DGKB: variants seen among roughly 807,000 people sequenced by gnomAD.
DGKB encodes the protein 90 kDa diacylglycerol kinase.
Under a neutral mutation model 114.3 loss-of-function variants are expected in DGKB, and 67 were observed. The ratio of observed to expected loss-of-function variants is 0.59; its 90% CI spans 0.48 to 0.72. The LOEUF is 0.72. DGKB is among the 30% of genes least tolerant of loss of function. The probability of loss-of-function intolerance (pLI) is 0.00; values close to 1 mark genes in which losing one functional copy is unlikely to be tolerated. For missense variants in DGKB, 907 were observed against 975.2 expected (o/e 0.93, Z 0.93); for synonymous variants, 398 against 323.1 (o/e 1.23, Z -2.49).
chr7:14,972,139 A>AC (rs1787506775), intron 1 of DGKB, among the ~76,000 whole-genome samples: 1 of 152,160 alleles, frequency 6.6e-6, no homozygotes, highest in Non-Finnish European at 1.5e-5. Flanking sequence ...GAAAAAAATT[A>AC]GAGTCTGGAA....
At chr7:14,263,720 A>T (rs1358282572) in intron 23 of DGKB, among the ~76,000 whole-genome samples, 1 of 152,182 alleles carries the variant, frequency 6.6e-6, no homozygotes, top group African/African-American at 2.4e-5. Context: ...TAAAGGCAAG[A>T]TCTTCCTAAT....
At chr7:14,311,247 C>T (rs1805349178) in intron 23 of DGKB, among the ~76,000 whole-genome samples, 1 of 152,132 alleles carries the variant, frequency 6.6e-6, no homozygotes, top group African/African-American at 2.4e-5. Context: ...TTTTGGCTGG[C>T]ATTTGGCTCA....
chr7:14,490,073 T>C (rs1368252452), intron 20 of DGKB, among the ~76,000 whole-genome samples: 1 of 152,124 alleles, frequency 6.6e-6, no homozygotes, highest in Non-Finnish European at 1.5e-5. Flanking sequence ...GAGTGCAAAG[T>C]ACAATTATAT....
chr7:14,335,560 C>T (rs1196907466), intron 23 of DGKB, among the ~76,000 whole-genome samples: 1 of 152,068 alleles, frequency 6.6e-6, no homozygotes, highest in Non-Finnish European at 1.5e-5. Flanking sequence ...TTTTTCATTT[C>T]ATTTCATGTA....
intron 7 of DGKB, 82 bp downstream of exon 7, chr7:14,701,599 G>C: frequency 1.0e-6 from 1 of 984,112 alleles, no homozygotes; most frequent in Non-Finnish European, 1.6e-6. Context: ...GCCTTCTGTG[G>C]TAATAACTAC....
At chr7:14,179,170 C>A (rs1250085747) in intron 23 of DGKB, among the ~76,000 whole-genome samples, 4 of 152,140 alleles carry the variant, frequency 2.6e-5, no homozygotes, top group Non-Finnish European at 5.9e-5. Context: ...AGGTTCCTTT[C>A]CAATCTGAAT....
chr7:14,412,233 TA>T (rs1583738700), intron 21 of DGKB, among the ~76,000 whole-genome samples: 1 of 152,278 alleles, frequency 6.6e-6, no homozygotes, highest in East Asian at 1.9e-4. Flanking sequence ...CTTCTGGTGA[TA>T]AAAAGTAAGA....
At chr7:14,299,165 C>T (rs1001012313) in intron 23 of DGKB, among the ~76,000 whole-genome samples, 7 of 151,886 alleles carry the variant, frequency 4.6e-5, no homozygotes, top group African/African-American at 1.7e-4. Flanking sequence ...AACTCTATTC[C>T]AAATCTATCA....
At chr7:14,166,874 A>G (rs1329921953) in intron 25 of DGKB, among the ~76,000 whole-genome samples, 1 of 152,180 alleles carries the variant, frequency 6.6e-6, no homozygotes, top group Non-Finnish European at 1.5e-5. Context: ...CAAAAATAGG[A>G]AAGAAGGGCC....
intron 21 of DGKB, among the ~76,000 whole-genome samples, chr7:14,476,271 T>C (rs2128900625): frequency 6.6e-6 from 1 of 151,822 alleles, no homozygotes; most frequent in East Asian, 1.9e-4. Flanking sequence ...TCCAGGATAT[T>C]TGAGGTGTAT....
At chr7:14,651,725 G>C (rs1053955472) in intron 13 of DGKB, among the ~76,000 whole-genome samples, 2 of 149,254 alleles carry the variant, frequency 1.3e-5, no homozygotes, top group African/African-American at 2.5e-5. Context: ...GTTTGCAGAC[G>C]ACATGATTGT....
intron 1 of DGKB, among the ~76,000 whole-genome samples, chr7:14,852,035 A>G (rs1316667051): frequency 1.3e-5 from 2 of 152,280 alleles, no homozygotes; most frequent in African/African-American, 2.4e-5. Context: ...AAATCTATAA[A>G]CACAGTAAAA....
intron 2 of DGKB, among the ~76,000 whole-genome samples, chr7:14,810,833 T>G (rs965868614): frequency 6.6e-6 from 1 of 152,190 alleles, no homozygotes; most frequent in Admixed American, 6.5e-5. Flanking sequence ...GATTTCGAAC[T>G]CCTGGACTCA....
intron 20 of DGKB, among the ~76,000 whole-genome samples, chr7:14,515,852 T>C (rs1788704499): frequency 6.6e-6 from 1 of 152,206 alleles, no homozygotes; most frequent in Non-Finnish European, 1.5e-5. Context: ...TTAGATTTTA[T>C]TTATTTTTTG....
chr7:14,370,387 T>G (rs1303553668), intron 21 of DGKB, among the ~76,000 whole-genome samples: 2 of 152,164 alleles, frequency 1.3e-5, no homozygotes, highest in East Asian at 3.9e-4. Context: ...TATTTTTGCT[T>G]AGAATTGTCT....
At chr7:14,446,587 C>G (rs1380968008) in intron 21 of DGKB, among the ~76,000 whole-genome samples, 2 of 152,062 alleles carry the variant, frequency 1.3e-5, no homozygotes, top group Non-Finnish European at 2.9e-5. Flanking sequence ...GTAATGTACT[C>G]AACAAAATAC....
chr7:14,867,986 GAA>G (rs1562767167), intron 1 of DGKB, among the ~76,000 whole-genome samples: 1 of 152,130 alleles, frequency 6.6e-6, no homozygotes, highest in African/African-American at 2.4e-5. Context: ...CAAATTGCAC[GAA>G]AAGAGATACG....
At chr7:14,772,382 G>A (rs111473634) in intron 2 of DGKB, among the ~76,000 whole-genome samples, 19 of 152,224 alleles carry the variant, frequency 1.2e-4, no homozygotes, top group Non-Finnish European at 2.4e-4. Context: ...ACAGTTTGTC[G>A]CTAAACTTCC....
chr7:14,392,982 G>GTTTTTTTTTTT (rs1298052301), intron 21 of DGKB, among the ~76,000 whole-genome samples: 2 of 27,484 alleles, frequency 7.3e-5, no homozygotes, highest in Admixed American at 3.1e-4. Context: ...AAACAGACCT[G>GTTTTTTTTTTT]TTTTTTGTTT....
Sources: allele counts gnomAD v4.1 joint callset (sites outside exome capture counted in the v4.1 genomes callset), GRCh38; gene constraint gnomAD v4.1.1; transcripts MANE v1.5; gene names NCBI Gene and HGNC (gene_info 2026-07-23, HGNC 2026-07-21).